The following NADSYN1 variants were observed in gnomAD, a reference collection of about 807,000 sequenced individuals.
NADSYN1 encodes the protein NAD synthetase 1, also known as glutamine-dependent NAD(+) synthetase.
Under a neutral mutation model 99.3 loss-of-function variants are expected in NADSYN1, and 80 were observed. The observed-to-expected ratio is 0.81, with a 90% CI of 0.67 to 0.97. The LOEUF is 0.97. Ranked by LOEUF, NADSYN1 falls within the 50% of genes least tolerant of loss-of-function variation. The pLI is 0.00. For synonymous variants in NADSYN1, 385 were observed against 372.1 expected (o/e 1.03, Z -0.40); for missense variants, 859 against 948.5 (o/e 0.91, Z 1.24).
chr11:71,480,926 A>G (rs1477102676), intron 11 of NADSYN1, 47 bp downstream of exon 11: 2 of 1,607,990 alleles, frequency 1.2e-6, no homozygotes, highest in Non-Finnish European at 1.7e-6. Context: ...CTGTGTGGCC[A>G]CGCCCCTGGG....
At chr11:71,463,411 T>C (rs756458446) in intron 3 of NADSYN1, 21 bp from the exon 4 acceptor site, 2 of 1,611,546 alleles carry the variant, frequency 1.2e-6, no homozygotes, top group South Asian at 2.2e-5. Context: ...GACACACATG[T>C]ACCTCCCCTC....
chr11:71,487,614 A>G (rs1015364474), intron 16 of NADSYN1, among the ~76,000 whole-genome samples: 1 of 151,970 alleles, frequency 6.6e-6, no homozygotes, highest in Non-Finnish European at 1.5e-5. Context: ...GGCAGATCAC[A>G]AGGTCAGGAG....
Position 71,478,527 on chromosome 11 carries a change from C to A in NADSYN1, c.873+58C>A, listed in dbSNP as rs539415511. The stretch of plus-strand genomic sequence containing the variant: ...CTCATCAAAGACGTGGAAAGTGGCC[C>A]CATTCGTGCGGGCCTGGTGGAGGCC... On this transcript the variant is annotated intron_variant, in intron 10 of 20. Transcript: ENST00000319023. The A allele has an allele frequency of 8.9e-5, 133 of 1,487,882 alleles. No individual in the cohort carries two copies. The African/African-American group carries it at 1.8e-3, about 20-fold the overall frequency. The allele number at this position is 1,487,882 out of a possible 1,614,324, so 92.2% of individuals were successfully genotyped here. A position where few individuals can be genotyped will look rare whatever the true frequency, so the allele number is the denominator to read the frequency against.
intron 5 of NADSYN1, among the ~76,000 whole-genome samples, chr11:71,469,128 G>A (rs1448121162): frequency 6.6e-6 from 1 of 151,628 alleles, no homozygotes; most frequent in Non-Finnish European, 1.5e-5. Context: ...TTCCATGGAA[G>A]AGCAAAAGGC....
At position 71,464,161 on chromosome 11, in the gene NADSYN1, C is replaced by A. The variant is rs1384032286; in HGVS notation, c.407+19C>A. 1.9e-6 allele frequency: 3 copies of A among 1,586,606 alleles called. No homozygotes were observed. Among genetic ancestry groups the A allele is most frequent in the South Asian group, 2.3e-5 (2 of 88,050 alleles). ...GGAGTCGGTGAGTCGGGTGCCTGAC[C>A]ACTCCTGGGATGTGCGTTAAGCACC... On this transcript the variant is annotated intron_variant, in intron 5 of 20. Coordinates refer to ENST00000319023, the MANE Select transcript of NADSYN1 (RefSeq NM_018161.5).
In NADSYN1 at chr11:71,477,284, C is replaced by T. The variant is rs190468860; in HGVS notation, c.799-1111C>T. The T allele has an allele frequency of 8.7e-6, 11 of 1,263,430 alleles. 1 individual carries two copies. Among genetic ancestry groups the T allele is most frequent in the South Asian group, 6.5e-5 (5 of 77,206 alleles). The allele number at this position is 1,263,430 out of a possible 1,614,324, so 78.3% of individuals were successfully genotyped here. ...AGCCACCTTCTCATGGAACGATCCT[C>T]GCCTTCCCTCATCTCCATTGTTTTA... is the stretch of plus-strand genomic sequence containing the variant. On this transcript the variant is annotated intron_variant, in intron 9 of 20. Coordinates refer to ENST00000319023, the MANE Select transcript of NADSYN1 (RefSeq NM_018161.5).
chr11:71,470,906 T>C (rs1565599174), intron 5 of NADSYN1, among the ~76,000 whole-genome samples: 1 of 152,232 alleles, frequency 6.6e-6, no homozygotes, highest in Non-Finnish European at 1.5e-5. Context: ...GTATTTTTTT[T>C]CTGGCAGTTT....
In NADSYN1 at chr11:71,484,437, A is replaced by C. The variant is rs746130666; in HGVS notation, c.1445A>C (p.Gln482Pro). The C allele has an allele frequency of 1.2e-6, 2 of 1,613,842 alleles. No individual in the cohort carries two copies. The highest frequency in any genetic ancestry group is 2.2e-5 in the South Asian group (2 of 91,044). Residue 482 changes from glutamine to proline, a missense_variant, in exon 15 of 21, where the codon CAA (glutamine) becomes CCA (proline). Physicochemically the swap from Gln to Pro is moderately conservative, Grantham distance 76 (BLOSUM62 -1). Coordinates refer to ENST00000319023, the MANE Select transcript of NADSYN1 (RefSeq NM_018161.5). ...GGSSRENLAL[Q>P]NVQARIRMVL... is the part of the protein sequence containing the mutation. ...AGCAGCAGGGAAAACCTGGCGCTGC[A>C]AAATGTGCAGGTGCCCCCGCCTGGG...
chr11:71,482,930 G>A lies in NADSYN1; in HGVS notation c.1232G>A (p.Arg411His), dbSNP rs754296277. The change falls in exon 14 of 21, where the codon CGC (arginine) becomes CAC (histidine). Residue 411 changes from arginine (R) to histidine (H), a missense_variant. By Grantham distance (29) the Arg-to-His change is conservative. Transcript: ENST00000319023. ...CAGGATCCCCGAGACCTCTGTGGAC[G>A]CATACTGACCACCTGCTACATGGCC... is the stretch of plus-strand genomic sequence containing the variant. Reference protein sequence around the residue: ...TPQDPRDLCGRILTTCYMASK... With the variant: ...TPQDPRDLCGHILTTCYMASK... The A allele has an allele frequency of 8.3e-5, 134 of 1,613,106 alleles. No homozygotes were observed. The highest frequency in any genetic ancestry group is 1.1e-4 in the Non-Finnish European group (125 of 1,179,678).
chr11:71,478,722 G>A (rs866817910), intron 10 of NADSYN1: 6 of 462,446 alleles, frequency 1.3e-5, no homozygotes, highest in South Asian at 4.7e-5. Context: ...AGAGGCTGAC[G>A]AGACAGTCAG....
At chr11:71,471,460 C>T (rs531181928) in intron 5 of NADSYN1, among the ~76,000 whole-genome samples, 2 of 152,160 alleles carry the variant, frequency 1.3e-5, no homozygotes, top group African/African-American at 2.4e-5. Context: ...TCAAGGTGTG[C>T]GCTGGCTGTG....
chr11:71,500,781 C>T (rs553364842), intron 20 of NADSYN1, among the ~76,000 whole-genome samples: 7 of 152,210 alleles, frequency 4.6e-5, no homozygotes, highest in South Asian at 4.1e-4. Context: ...TGTGGCTGGA[C>T]GGAGCCCACA....
chr11:71,485,996 C>T (rs1156237113), intron 16 of NADSYN1, among the ~76,000 whole-genome samples: 1 of 152,166 alleles, frequency 6.6e-6, no homozygotes, highest in Non-Finnish European at 1.5e-5. Flanking sequence ...TTTTTACCTC[C>T]AAACCAGAGT....
At chr11:71,462,112 A>G (rs1036299628) in intron 3 of NADSYN1, among the ~76,000 whole-genome samples, 1 of 152,088 alleles carries the variant, frequency 6.6e-6, no homozygotes, top group Admixed American at 6.5e-5. Context: ...GGGCCCTCCA[A>G]GGTTAACCTG....
chr11:71,457,869 GAT>G (rs763825852), intron 2 of NADSYN1, among the ~76,000 whole-genome samples: 33 of 152,284 alleles, frequency 2.2e-4, no homozygotes, highest in Non-Finnish European at 3.1e-4. Context: ...CTCATCTTGG[GAT>G]ACTTAATTTA....
Position 71,453,206 on chromosome 11 carries a change from C to A in NADSYN1, c.-91C>A. ...CGGGGAGGGGGCGGGGCCGGGCAACCCGGAAGGTCCGGCGTCCCAGCCGCC... is the reference window on the plus strand; with the variant it reads ...CGGGGAGGGGGCGGGGCCGGGCAACACGGAAGGTCCGGCGTCCCAGCCGCC... On this transcript the variant is annotated 5_prime_UTR_variant, in exon 1 of 21. Coordinates refer to ENST00000319023, the MANE Select transcript of NADSYN1 (RefSeq NM_018161.5). The A allele has an allele frequency of 1.7e-6, 2 of 1,158,232 alleles. No homozygotes were observed. Among genetic ancestry groups the A allele is most frequent in the East Asian group, 2.6e-5 (1 of 39,088 alleles). 71.7% of individuals were successfully genotyped at this position (1,158,232 alleles called of 1,614,324 possible).
chr11:71,460,680 G>A (rs1314652283), intron 3 of NADSYN1: 3 of 139,448 alleles, frequency 2.2e-5, no homozygotes, highest in Non-Finnish European at 5.0e-5. Flanking sequence ...ACTTAAATTT[G>A]TAACCATCAT....
At position 71,476,613 on chromosome 11, in the gene NADSYN1, T is replaced by C. The variant is rs935001154; in HGVS notation, c.799-1782T>C. On this transcript the variant is annotated intron_variant, in intron 9 of 20. Coordinates refer to ENST00000319023, the MANE Select transcript of NADSYN1 (RefSeq NM_018161.5). ...CCAGGCCCTGCTTTCCACATGACAG[T>C]GTCCCCAGAGGCCTCCTTGCGCTTC... 6.7e-5 allele frequency: 66 copies of C among 980,112 alleles called. No homozygotes were observed. The African/African-American group carries it at 9.6e-4, about 14-fold the overall frequency. The allele number at this position is 980,112 out of a possible 1,614,324, so 60.7% of individuals were successfully genotyped here. A position where few individuals can be genotyped will look rare whatever the true frequency, so the allele number is the denominator to read the frequency against.
In NADSYN1 at chr11:71,453,307, A is replaced by G. The variant is rs776083387; in HGVS notation, c.11A>G (p.Lys4Arg). 6.2e-6 allele frequency: 10 copies of G among 1,613,598 alleles called. No homozygotes were observed. The highest frequency in any genetic ancestry group is 1.1e-5 in the South Asian group (1 of 91,036). Residue 4 changes from lysine to arginine, a missense_variant, in exon 1 of 21, where the codon AAG becomes AGG. Physicochemically the swap from Lys to Arg is conservative, Grantham distance 26. Transcript: ENST00000319023. ...GCGACTGCGGCCAGGATGGGCCGGA[A>G]GGTGACCGTGGCCACCTGCGCACTC... is the stretch of plus-strand genomic sequence containing the variant. The part of the protein sequence containing the change: MGR[K>R]VTVATCALNQ...
Sources: allele counts gnomAD v4.1 joint callset (sites outside exome capture counted in the v4.1 genomes callset), GRCh38; gene constraint gnomAD v4.1.1; transcripts MANE v1.5; gene names NCBI Gene and HGNC (gene_info 2026-07-23, HGNC 2026-07-21).